Variants in ATP8B4 observed in about 807,000 individuals in gnomAD.
ATP8B4 encodes probable phospholipid-transporting ATPase IM.
Under a neutral mutation model 145.6 loss-of-function variants are expected in ATP8B4, and 133 were observed. The ratio of observed to expected loss-of-function variants is 0.91; its 90% CI spans 0.79 to 1.05. ATP8B4 has a LOEUF of 1.05. Ranked by LOEUF, ATP8B4 falls within the 50% of genes least tolerant of loss-of-function variation. ATP8B4 has a pLI of 0.00. For synonymous variants in ATP8B4, 507 were observed against 492.9 expected (o/e 1.03, Z -0.38); for missense variants, 1,458 against 1,425.2 (o/e 1.02, Z -0.37).
At chr15:49,866,551 A>G in intron 25 of ATP8B4, 67 bp from the exon 26 acceptor site, 1 of 1,569,562 alleles carries the variant, frequency 6.4e-7, no homozygotes, top group Non-Finnish European at 8.7e-7. Flanking sequence ...TTACCTCGTG[A>G]TGTTTCGCGA....
At chr15:49,974,216 G>A (rs1401144675) in intron 12 of ATP8B4, among the ~76,000 whole-genome samples, 1 of 151,418 alleles carries the variant, frequency 6.6e-6, no homozygotes, top group Non-Finnish European at 1.5e-5. Context: ...CCGAGTAGCT[G>A]GGATTACAGG....
chr15:49,986,327 A>G (rs893842277), intron 10 of ATP8B4, among the ~76,000 whole-genome samples: 1 of 152,246 alleles, frequency 6.6e-6, no homozygotes, highest in African/African-American at 2.4e-5. Context: ...TTTCCCTATC[A>G]TTAAGTAGGA....
At chr15:50,137,632 C>T (rs1322216765) in intron 1 of ATP8B4, among the ~76,000 whole-genome samples, 1 of 152,214 alleles carries the variant, frequency 6.6e-6, no homozygotes, top group Non-Finnish European at 1.5e-5. Flanking sequence ...CAAACAACCA[C>T]GGCACAAGAC....
intron 2 of ATP8B4, among the ~76,000 whole-genome samples, chr15:50,091,558 A>T (rs2055612615): frequency 6.6e-6 from 1 of 152,148 alleles, no homozygotes; most frequent in African/African-American, 2.4e-5. Context: ...ATGTTATTTT[A>T]AGTATTTAAT....
At chr15:49,950,246 C>T (rs2042947190) in intron 14 of ATP8B4, among the ~76,000 whole-genome samples, 1 of 152,146 alleles carries the variant, frequency 6.6e-6, no homozygotes, top group African/African-American at 2.4e-5. Context: ...ACCAGCTCCT[C>T]CTTGTATTTC....
At chr15:50,098,695 G>T (rs755055069) in intron 2 of ATP8B4, among the ~76,000 whole-genome samples, 3 of 151,958 alleles carry the variant, frequency 2.0e-5, no homozygotes, top group Non-Finnish European at 4.4e-5. Flanking sequence ...AGCATAAGAA[G>T]CTGTCTCCCT....
At position 50,017,227 on chromosome 15, in the gene ATP8B4, A is replaced by C. The variant is rs976790202; in HGVS notation, c.363-6310T>G. 2.0e-5 allele frequency among the ~76,000 whole-genome samples: 3 copies of C among 152,374 alleles called. No homozygotes were observed. The East Asian group carries it at 5.8e-4, about 29-fold the overall frequency. ...GCCAACAGTACAATAAAGTTGGGAG[A>C]TACATTTCTAGTACCTATCTATTAA... On this transcript the variant is annotated intron_variant, in intron 6 of 27. Coordinates refer to ENST00000284509, the MANE Select transcript of ATP8B4 (RefSeq NM_024837.4).
At chr15:50,157,827 G>A (rs1044432654) in intron 1 of ATP8B4, among the ~76,000 whole-genome samples, 2 of 152,120 alleles carry the variant, frequency 1.3e-5, no homozygotes, top group South Asian at 2.1e-4. Flanking sequence ...CTGTGCTGCT[G>A]CCATCTCGGC....
Position 49,860,078 on chromosome 15 carries a change from AAGTG to A in ATP8B4, c.*112_*115del. ...CAGTTGTCTGCCGCAGATTTAAGTT[AAGTG>A]AGGCAATCTGCCTGCCCCACCTCTT... On this transcript the variant is annotated 3_prime_UTR_variant, in exon 28 of 28. Coordinates refer to ENST00000284509, the MANE Select transcript of ATP8B4 (RefSeq NM_024837.4). 7.7e-7 allele frequency: 1 copy of A among 1,299,118 alleles called. No individual in the cohort carries two copies. Among genetic ancestry groups the A allele is most frequent in the Non-Finnish European group, 1.1e-6 (1 of 946,212 alleles). The allele number at this position is 1,299,118 out of a possible 1,614,324, so 80.5% of individuals were successfully genotyped here. A position where few individuals can be genotyped will look rare whatever the true frequency, so the allele number is the denominator to read the frequency against.
chr15:50,035,582 G>A (rs2050773564), intron 6 of ATP8B4, among the ~76,000 whole-genome samples: 1 of 152,074 alleles, frequency 6.6e-6, no homozygotes, highest in South Asian at 2.1e-4. Flanking sequence ...AGGGTTTTAT[G>A]AGACTTAAGT....
chr15:50,111,601 T>C (rs1267554846), intron 1 of ATP8B4, among the ~76,000 whole-genome samples: 1 of 152,118 alleles, frequency 6.6e-6, no homozygotes, highest in Non-Finnish European at 1.5e-5. Flanking sequence ...AAGCAGGACA[T>C]GGTAGAAGCC....
intron 5 of ATP8B4, 145 bp downstream of exon 5, chr15:50,044,449 A>G: frequency 1.9e-6 from 1 of 526,220 alleles, no homozygotes. Flanking sequence ...CACCTGTATT[A>G]ATCATCAAAC....
chr15:50,140,542 G>C (rs368920491), intron 1 of ATP8B4, among the ~76,000 whole-genome samples: 1 of 152,212 alleles, frequency 6.6e-6, no homozygotes. Context: ...GAAGGATTAA[G>C]AGTGCCATAA....
chr15:50,052,000 T>C (rs995076121), intron 3 of ATP8B4, among the ~76,000 whole-genome samples: 17 of 152,214 alleles, frequency 1.1e-4, no homozygotes, highest in Admixed American at 1.1e-3. Context: ...CAGCTTTGAA[T>C]GGGAACAAGG....
intron 6 of ATP8B4, among the ~76,000 whole-genome samples, chr15:50,019,974 T>C (rs896885684): frequency 2.0e-5 from 3 of 152,048 alleles, no homozygotes; most frequent in Non-Finnish European, 4.4e-5. Flanking sequence ...ATGACTTTTT[T>C]TTTTTTGAAA....
At chr15:49,897,962 C>T (rs998602654) in intron 22 of ATP8B4, 106 bp downstream of exon 22, 2 of 1,259,388 alleles carry the variant, frequency 1.6e-6, no homozygotes, top group African/African-American at 3.0e-5. Context: ...TTTAGAATCA[C>T]TGGCAAAATT....
intron 25 of ATP8B4, among the ~76,000 whole-genome samples, chr15:49,871,233 A>G (rs1408227055): frequency 6.6e-6 from 1 of 152,236 alleles, no homozygotes; most frequent in Non-Finnish European, 1.5e-5. Context: ...TAATTAAATG[A>G]GATAATGGGA....
intron 20 of ATP8B4, among the ~76,000 whole-genome samples, chr15:49,902,855 A>T (rs1325768574): frequency 1.3e-5 from 2 of 152,238 alleles, no homozygotes; most frequent in African/African-American, 4.8e-5. Context: ...AGAAAGCACC[A>T]CAGGGAAAAC....
intron 14 of ATP8B4, among the ~76,000 whole-genome samples, chr15:49,946,773 TG>T (rs1470359444): frequency 6.6e-6 from 1 of 152,192 alleles, no homozygotes; most frequent in African/African-American, 2.4e-5. Context: ...ATCTTCCATC[TG>T]AAGAAGCAGG....
Sources: gnomAD v4.1 joint callset for allele counts (sites outside exome capture counted in the v4.1 genomes callset) on GRCh38, gnomAD v4.1.1 for gene constraint, MANE v1.5 for transcripts, NCBI Gene and HGNC (gene_info 2026-07-23, HGNC 2026-07-21) for gene names.